VEGFC: variants seen among roughly 807,000 people sequenced by gnomAD.
VEGFC encodes FLT4 ligand DHM.
A neutral mutation model predicts 46.1 loss-of-function variants in VEGFC; 12 were observed. That is an observed-to-expected ratio of 0.26 (90% CI 0.17 to 0.42). VEGFC has a LOEUF of 0.42. Ranked by LOEUF, VEGFC falls within the 10% of genes least tolerant of loss-of-function variation. The pLI, the probability that VEGFC is intolerant of heterozygous loss-of-function variation, is 1.00. For missense variants in VEGFC, 488 were observed against 529.4 expected, an observed-to-expected ratio of 0.92 and a Z score of 0.77; for synonymous variants, 232 against 195.5, an observed-to-expected ratio of 1.19 and a Z score of -1.56.
intron 4 of VEGFC, among the ~76,000 whole-genome samples, chr4:176,688,176 A>G (rs1490525301): frequency 6.6e-6 from 1 of 152,236 alleles, no homozygotes; most frequent in African/African-American, 2.4e-5. Flanking sequence ...TTTAAGGCAA[A>G]CACATTGGTT....
At chr4:176,719,552 T>G (rs1238583602) in intron 3 of VEGFC, among the ~76,000 whole-genome samples, 2 of 152,214 alleles carry the variant, frequency 1.3e-5, no homozygotes, top group Non-Finnish European at 2.9e-5. Flanking sequence ...ATCCTGGATA[T>G]GCACTTCCAT....
intron 4 of VEGFC, among the ~76,000 whole-genome samples, chr4:176,688,517 C>T (rs1333840761): frequency 6.6e-6 from 1 of 152,160 alleles, no homozygotes; most frequent in Non-Finnish European, 1.5e-5. Context: ...AAAATTTCCA[C>T]TCTGTACTCC....
chr4:176,716,559 G>A (rs1197549149), intron 3 of VEGFC, among the ~76,000 whole-genome samples: 1 of 129,448 alleles, frequency 7.7e-6, no homozygotes, highest in Non-Finnish European at 1.5e-5. Context: ...CTCCAGCCTG[G>A]CCAACAGAGG....
At chr4:176,699,326 C>T (rs899496453) in intron 4 of VEGFC, among the ~76,000 whole-genome samples, 3 of 152,108 alleles carry the variant, frequency 2.0e-5, no homozygotes, top group African/African-American at 4.8e-5. Context: ...TGTCACTCAG[C>T]GGGTTATCCA....
chr4:176,729,112 A>G (rs542082327), intron 2 of VEGFC, among the ~76,000 whole-genome samples: 1 of 152,344 alleles, frequency 6.6e-6, no homozygotes, highest in African/African-American at 2.4e-5. Context: ...TTATCTGTGA[A>G]GCAGCAAAGC....
At chr4:176,749,175 C>T (rs369343491) in intron 1 of VEGFC, among the ~76,000 whole-genome samples, 2 of 151,790 alleles carry the variant, frequency 1.3e-5, no homozygotes, top group African/African-American at 2.4e-5. Flanking sequence ...TCCTTTTGGC[C>T]TAACAATGAA....
chr4:176,751,150 T>C (rs945385480), intron 1 of VEGFC, among the ~76,000 whole-genome samples: 8 of 151,908 alleles, frequency 5.3e-5, no homozygotes, highest in Middle Eastern at 6.8e-3. Context: ...AAAGGAAGGA[T>C]TTAATCAAAG....
intron 1 of VEGFC, among the ~76,000 whole-genome samples, chr4:176,731,326 T>C (rs1172591190): frequency 1.3e-5 from 2 of 151,980 alleles, no homozygotes; most frequent in African/African-American, 4.8e-5. Flanking sequence ...GAAGGGAAAA[T>C]TTATAAAAGT....
intron 3 of VEGFC, among the ~76,000 whole-genome samples, chr4:176,719,839 T>C (rs1734754111): frequency 6.6e-6 from 1 of 152,110 alleles, no homozygotes; most frequent in East Asian, 1.9e-4. Context: ...GGCGAGTGGA[T>C]CACTTGAAGT....
intron 1 of VEGFC, among the ~76,000 whole-genome samples, chr4:176,762,057 G>A (rs1428945637): frequency 6.6e-6 from 1 of 152,228 alleles, no homozygotes; most frequent in East Asian, 1.9e-4. Flanking sequence ...TATGACTGAA[G>A]AGGCTCTGCC....
chr4:176,737,350 ATAT>A, intron 1 of VEGFC, among the ~76,000 whole-genome samples: 1 of 146,954 alleles, frequency 6.8e-6, no homozygotes, highest in East Asian at 2.0e-4. Flanking sequence ...TACAGAATAA[ATAT>A]TATAAATATA....
At chr4:176,758,494 T>A (rs1735472674) in intron 1 of VEGFC, among the ~76,000 whole-genome samples, 2 of 152,248 alleles carry the variant, frequency 1.3e-5, no homozygotes, top group South Asian at 2.1e-4. Context: ...TCTTGGCAGC[T>A]GGTGCTAGAA....
intron 1 of VEGFC, among the ~76,000 whole-genome samples, chr4:176,732,215 G>T (rs1734979907): frequency 6.6e-6 from 1 of 151,736 alleles, no homozygotes; most frequent in African/African-American, 2.4e-5. Context: ...GGACAAAGAA[G>T]GTGAACTGAA....
intron 1 of VEGFC, among the ~76,000 whole-genome samples, chr4:176,734,955 T>C (rs1042943873): frequency 2.0e-5 from 3 of 151,804 alleles, no homozygotes; most frequent in African/African-American, 7.2e-5. Context: ...ATTTTTTTTT[T>C]CTTTTTACCT....
chr4:176,736,101 A>T (rs1735048686), intron 1 of VEGFC, among the ~76,000 whole-genome samples: 1 of 151,776 alleles, frequency 6.6e-6, no homozygotes. Context: ...TAGACCTAAA[A>T]AGTACTTCTC....
chr4:176,724,781 G>T (rs1433164164), intron 3 of VEGFC, among the ~76,000 whole-genome samples: 1 of 152,180 alleles, frequency 6.6e-6, no homozygotes, highest in Non-Finnish European at 1.5e-5. Context: ...CTGAACAGGG[G>T]CTATGGGGCA....
chr4:176,763,832 T>A (rs1368656215), intron 1 of VEGFC, among the ~76,000 whole-genome samples: 2 of 152,088 alleles, frequency 1.3e-5, no homozygotes, highest in African/African-American at 4.8e-5. Context: ...TTAATCCTCC[T>A]AAGAGTCCTC....
intron 4 of VEGFC, among the ~76,000 whole-genome samples, chr4:176,690,301 G>C (rs757758747): frequency 6.6e-6 from 1 of 151,044 alleles, no homozygotes; most frequent in East Asian, 1.9e-4. Context: ...TGTACAGTCA[G>C]AGAAGTTCTG....
At chr4:176,758,815 A>G (rs564784588) in intron 1 of VEGFC, among the ~76,000 whole-genome samples, 2 of 152,230 alleles carry the variant, frequency 1.3e-5, no homozygotes, top group South Asian at 4.1e-4. Flanking sequence ...TCAGATGCCC[A>G]GGTTCTAGCC....
Sources: gnomAD v4.1 joint callset for allele counts (sites outside exome capture counted in the v4.1 genomes callset) on GRCh38, gnomAD v4.1.1 for gene constraint, MANE v1.5 for transcripts, NCBI Gene and HGNC (gene_info 2026-07-23, HGNC 2026-07-21) for gene names.